The following SEMA4D variants were observed in gnomAD, a reference collection of about 807,000 sequenced individuals.
The protein encoded by SEMA4D is semaphorin-4D.
SEMA4D carries 22 observed loss-of-function variants against 74.8 expected under a neutral mutation model. The observed-to-expected ratio is 0.29, with a 90% confidence interval of 0.21 to 0.42. The LOEUF is 0.42. Ranked by LOEUF, SEMA4D falls within the 10% of genes least tolerant of loss-of-function variation. The probability of loss-of-function intolerance (pLI) is 1.00; values close to 1 mark genes in which losing one functional copy is unlikely to be tolerated. For missense variants in SEMA4D, 937 were observed against 1,118.4 expected (o/e 0.84, Z 2.31); for synonymous variants, 445 against 463.7 (o/e 0.96, Z 0.52).
chr9:89,364,066 G>A (rs1306567418), intron 16 of SEMA4D: 6 of 1,591,482 alleles, frequency 3.8e-6, no homozygotes, highest in Non-Finnish European at 5.1e-6. Context: ...AGTGACTTGG[G>A]ACAACTTCCA....
At chr9:89,363,433 C>T (rs376003203) in exon 18 of SEMA4D, 60 of 1,612,850 alleles carry the variant, frequency 3.7e-5, no homozygotes, top group East Asian at 1.3e-4. Context: ...CACTTACCCA[C>T]GCCTTCCTCC....
At chr9:89,379,985 G>A (rs181082839) in intron 15 of SEMA4D, among the ~76,000 whole-genome samples, 1 of 152,334 alleles carries the variant, frequency 6.6e-6, no homozygotes, top group East Asian at 1.9e-4. Context: ...CTGCAAGGAA[G>A]ACTGGCCTTT....
At chr9:89,412,754 A>G (rs1289297366) in intron 2 of SEMA4D, among the ~76,000 whole-genome samples, 1 of 152,230 alleles carries the variant, frequency 6.6e-6, no homozygotes, top group Non-Finnish European at 1.5e-5. Flanking sequence ...GCCAAAGGTC[A>G]GGACAGACCC....
At position 89,388,659 on chromosome 9, in the gene SEMA4D, C is replaced by T; in HGVS notation, c.1084G>A (p.Val362Ile). The T allele has an allele frequency of 1.9e-6, 3 of 1,601,924 alleles. No homozygotes were observed. Among genetic ancestry groups the T allele is most frequent in the Non-Finnish European group, 2.5e-6 (3 of 1,178,100 alleles). ...HTKWVRYNGPVPKPRPGACID... is the reference protein window; with the variant it reads ...HTKWVRYNGPIPKPRPGACID... ...ACCGCTCCAGGCCGCGGCTTGGGTA[C>T]CGGGCCATTATAGCGCACCCACTTG... Residue 362 changes from valine (V) to isoleucine (I), a missense_variant, in exon 11 of 16, where the codon GTA (valine) becomes ATA (isoleucine). Transcript: ENST00000422704.
intron 2 of SEMA4D, among the ~76,000 whole-genome samples, chr9:89,407,129 T>C (rs1017899174): frequency 4.7e-4 from 72 of 152,336 alleles, no homozygotes; most frequent in African/African-American, 1.7e-3. Flanking sequence ...CCAGCATCCA[T>C]GTTCCTGCAC....
At chr9:89,398,473 T>C (rs1190721400) in intron 5 of SEMA4D, among the ~76,000 whole-genome samples, 2 of 152,212 alleles carry the variant, frequency 1.3e-5, no homozygotes, top group Non-Finnish European at 2.9e-5. Context: ...ATCCTTTAAG[T>C]GTCCATGCAA....
chr9:89,436,560 G>A (rs1294211095), intron 2 of SEMA4D: 1 of 152,396 alleles, frequency 6.6e-6, no homozygotes, highest in Admixed American at 6.5e-5. Context: ...AGGTCCCGTG[G>A]TGAGCCTTCT....
intron 2 of SEMA4D, among the ~76,000 whole-genome samples, chr9:89,455,177 G>C (rs566190884): frequency 2.0e-5 from 3 of 152,258 alleles, no homozygotes; most frequent in African/African-American, 7.2e-5. Context: ...CATGACATGC[G>C]GACTCGCACC....
intron 2 of SEMA4D, among the ~76,000 whole-genome samples, chr9:89,407,728 C>T (rs1008165218): frequency 3.3e-5 from 5 of 152,208 alleles, no homozygotes; most frequent in Admixed American, 6.5e-5. Flanking sequence ...CATCCAACTG[C>T]TCCTCATCCA....
At chr9:89,388,610 G>A (rs763326117) in intron 11 of SEMA4D, 26 bp downstream of exon 11, 22 of 1,582,508 alleles carry the variant, frequency 1.4e-5, no homozygotes, top group Admixed American at 1.1e-4. Context: ...GGGAAAGCAC[G>A]GCCCGCCCCC....
chr9:89,422,802 TGGG>T, intron 2 of SEMA4D, among the ~76,000 whole-genome samples: 1 of 152,212 alleles, frequency 6.6e-6, no homozygotes, highest in East Asian at 1.9e-4. Flanking sequence ...CACTGGGAGA[TGGG>T]CACGGGGGAG....
chr9:89,492,356 T>C lies in SEMA4D; in HGVS notation c.-310+5563A>G. ...TCTTGGTTTCTTGTTCCAGGCTCAG[T>C]CCTCGGACCTCTTCTCTTTTCCATC... On this transcript the variant is annotated intron_variant, in intron 1 of 15. Transcript: ENST00000422704. This position sits in a 1 kb window ranked among gnomAD's most constrained non-coding sequence, Gnocchi z 4.3. Among the ~76,000 whole-genome samples, 1 of 152,136 alleles carries C rather than the reference T, an allele frequency of 6.6e-6. No homozygotes were observed. The highest frequency in any genetic ancestry group is 2.1e-4 in the South Asian group (1 of 4,826).
intron 2 of SEMA4D, among the ~76,000 whole-genome samples, chr9:89,408,467 A>T (rs1843775106): frequency 1.3e-5 from 2 of 152,218 alleles, no homozygotes. Flanking sequence ...CTCCCATTAA[A>T]AACCAGCTAC....
At chr9:89,371,982 C>A (rs111207107) in intron 16 of SEMA4D, among the ~76,000 whole-genome samples, 90 of 3,362 alleles carry the variant, frequency 0.027, no homozygotes, top group East Asian at 0.055. Flanking sequence ...TGGTGTGTGT[C>A]TGGGGTGTGG....
chr9:89,425,535 C>G (rs1401601700), intron 2 of SEMA4D, among the ~76,000 whole-genome samples: 2 of 152,182 alleles, frequency 1.3e-5, no homozygotes, highest in Non-Finnish European at 2.9e-5. Flanking sequence ...GTTCATAGCT[C>G]CCTGGCAGGC....
At position 89,387,299 on chromosome 9, in the gene SEMA4D, C is replaced by T. The variant is rs149521201; in HGVS notation, c.1330+87G>A. 96 of 1,200,812 alleles carry T rather than the reference C, an allele frequency of 8.0e-5. No homozygotes were observed. In the East Asian group the frequency reaches 1.2e-3, roughly 15 times the overall value. The allele number at this position is 1,200,812 out of a possible 1,614,324, so 74.4% of individuals were successfully genotyped here. A position where few individuals can be genotyped will look rare whatever the true frequency, so the allele number is the denominator to read the frequency against. ...TCGAGGGAGGCAATGGAACTACTCA[C>T]GAAAGAATAATTGGATTTCCCAGTT... On this transcript the variant is annotated intron_variant, in intron 12 of 15. Transcript: ENST00000422704.
At chr9:89,386,592 A>G (rs776601416) in intron 12 of SEMA4D, 110 bp from the exon 13 acceptor site, 2 of 653,832 alleles carry the variant, frequency 3.1e-6, no homozygotes, top group Non-Finnish European at 5.4e-6. Flanking sequence ...TTCCCTCCAC[A>G]GATACTTAGA....
intron 7 of SEMA4D, 120 bp from the exon 8 acceptor site, chr9:89,392,656 G>A: frequency 1.5e-6 from 1 of 663,784 alleles, no homozygotes; most frequent in Non-Finnish European, 2.7e-6. Flanking sequence ...CCCTGCCTGG[G>A]GAAAGGGAAA....
chr9:89,379,775 T>C, intron 15 of SEMA4D, 146 bp from the exon 16 acceptor site: 1 of 1,009,004 alleles, frequency 9.9e-7, no homozygotes, highest in Non-Finnish European at 1.4e-6. Flanking sequence ...GATAAAGACA[T>C]GCGTGACCAA....
Sources: allele counts gnomAD v4.1 joint callset (sites outside exome capture counted in the v4.1 genomes callset), GRCh38; gene constraint gnomAD v4.1.1; non-coding constraint Gnocchi (gnomAD v3.1); transcripts MANE v1.5; gene names NCBI Gene and HGNC (gene_info 2026-07-23, HGNC 2026-07-21).